STUB1: variants seen among roughly 807,000 people sequenced by gnomAD.
STUB1 encodes STIP1 homology and U-box containing protein 1.
A neutral mutation model predicts 40.3 loss-of-function variants in STUB1; 37 were observed. That is an observed-to-expected ratio of 0.92 (90% CI 0.71 to 1.21). The LOEUF is 1.21. STUB1 is among the 50% of genes most tolerant of loss of function. The pLI, the probability that STUB1 is intolerant of heterozygous loss-of-function variation, is 0.00. For synonymous variants in STUB1, 246 were observed against 171.9 expected (o/e 1.43, Z -3.37); for missense variants, 460 against 421.9 (o/e 1.09, Z -0.79).
Position 681,283 on chromosome 16 carries a change from C to T in STUB1, c.291C>T (p.His97=), listed in dbSNP as rs775162360. The T allele has an allele frequency of 6.2e-7, 1 of 1,612,898 alleles. No individual in the cohort carries two copies. The highest frequency in any genetic ancestry group is 8.5e-7 in the Non-Finnish European group (1 of 1,179,998). ...TGGACGGGCAGTCTGTGAAGGCGCACTTCTTCCTGGGGCAGTGCCAGCTGG... is the reference window on the plus strand; with the variant it reads ...TGGACGGGCAGTCTGTGAAGGCGCATTTCTTCCTGGGGCAGTGCCAGCTGG... The part of the protein sequence containing the change: ...LELDGQSVKA[H]FFLGQCQLEM... Residue 97 remains histidine (H), a synonymous_variant, in exon 2 of 7, where the codon CAC becomes CAT. Transcript: ENST00000219548.
Position 682,616 on chromosome 16 carries a change from C to G in STUB1, c.*127C>G. On this transcript the variant is annotated 3_prime_UTR_variant, in exon 7 of 7. Transcript: ENST00000219548. ...CCAAGTTCTGCTGTTGGACTCTGGA[C>G]TGTTTCCCCTCTCAGCATCGCTTTT... 1.4e-6 allele frequency: 2 copies of G among 1,458,474 alleles called. No homozygotes were observed. Among genetic ancestry groups the G allele is most frequent in the Non-Finnish European group, 1.9e-6 (2 of 1,067,572 alleles). 90.3% of individuals were successfully genotyped at this position (1,458,474 alleles called of 1,614,324 possible). A position where few individuals can be genotyped will look rare whatever the true frequency, so the allele number is the denominator to read the frequency against.
Position 681,590 on chromosome 16 carries a change from G to T in STUB1, c.511G>T (p.Ala171Ser). 6.2e-7 allele frequency: 1 copy of T among 1,608,708 alleles called. No individual in the cohort carries two copies. Among genetic ancestry groups the T allele is most frequent in the Non-Finnish European group, 8.5e-7 (1 of 1,178,124 alleles). ...LHSYLSRLIA[A>S]ERERELEECQ... is the part of the protein sequence containing the mutation. ...CTCCTACCTCTCCAGGCTCATTGCC[G>T]CGGAGCGTGAGAGGTGGGACCCTCA... Residue 171 changes from alanine (A) to serine (S), a missense_variant, in exon 3 of 7, where the codon GCG becomes TCG. By Grantham distance (99) the Ala-to-Ser change is moderately conservative. Transcript: ENST00000219548.
chr16:680,565 G>A lies in STUB1; in HGVS notation c.40G>A (p.Gly14Ser). 7.3e-7 allele frequency: 1 copy of A among 1,375,038 alleles called. No homozygotes were observed. Among genetic ancestry groups the A allele is most frequent in the Non-Finnish European group, 9.5e-7 (1 of 1,054,434 alleles). 85.2% of individuals were successfully genotyped at this position (1,375,038 alleles called of 1,614,324 possible). ...GGAGAAGGAGGGCGGCGCACGGCTG[G>A]GCGCTGGCGGCGGAAGCCCCGAGAA... ...KEEKEGGARL[G>S]AGGGSPEKSP... Residue 14 changes from glycine to serine, a missense_variant, in exon 1 of 7, where the codon GGC becomes AGC. Coordinates refer to ENST00000219548, the MANE Select transcript of STUB1 (RefSeq NM_005861.4). This position sits in a 1 kb window ranked among gnomAD's most constrained non-coding sequence, Gnocchi z 4.9.
Position 682,005 on chromosome 16 carries a change from C to T in STUB1, c.613-15C>T. On this transcript the variant is annotated splice_polypyrimidine_tract_variant and intron_variant, in intron 4 of 6. Transcript: ENST00000219548. ...TGGGGTGTCTCCCCCAAGCACAGCA[C>T]TCAACTCTTCACAGGACAAGTACAT... 6 of 1,609,502 alleles carry T rather than the reference C, an allele frequency of 3.7e-6. No individual in the cohort carries two copies. In the South Asian group the frequency reaches 4.4e-5, roughly 12 times the overall value.
In STUB1 at chr16:681,479, G is replaced by A; in HGVS notation, c.400G>A (p.Asp134Asn). Residue 134 changes from aspartate to asparagine, a missense_variant, in exon 3 of 7, where the codon GAC becomes AAC. By Grantham distance (23) the Asp-to-Asn change is conservative. Transcript: ENST00000219548. ...AKEQRLNFGD[D>N]IPSALRIAKK... Reference sequence around the variant, plus strand: ...GGAGCAGCGGCTGAACTTCGGGGACGACATCCCCAGCGCTCTTCGAATCGC... The same window carrying A: ...GGAGCAGCGGCTGAACTTCGGGGACAACATCCCCAGCGCTCTTCGAATCGC... 1 of 1,612,648 alleles carries A rather than the reference G, an allele frequency of 6.2e-7. No homozygotes were observed. The highest frequency in any genetic ancestry group is 8.5e-7 in the Non-Finnish European group (1 of 1,179,884).
chr16:682,234 C>G lies in STUB1; in HGVS notation c.739C>G (p.Pro247Ala). The G allele has an allele frequency of 1.2e-6, 2 of 1,613,098 alleles. No homozygotes were observed. The highest frequency in any genetic ancestry group is 1.7e-6 in the Non-Finnish European group (2 of 1,179,998). Residue 247 changes from proline to alanine, a missense_variant, in exon 6 of 7, where the codon CCC becomes GCC. By Grantham distance (27) the Pro-to-Ala change is conservative (BLOSUM62 -1). Transcript: ENST00000219548. Reference sequence around the variant, plus strand: ...GCTGATGCGGGAGCCGTGCATCACGCCCAGTGGCATCACCTACGACCGCAA... The same window carrying G: ...GCTGATGCGGGAGCCGTGCATCACGGCCAGTGGCATCACCTACGACCGCAA... ...FELMREPCIT[P>A]SGITYDRKDI...
In STUB1 at chr16:681,601, G is replaced by T; in HGVS notation, c.522G>T (p.Glu174Asp). 1 of 1,606,814 alleles carries T rather than the reference G, an allele frequency of 6.2e-7. No individual in the cohort carries two copies. Among genetic ancestry groups the T allele is most frequent in the Non-Finnish European group, 8.5e-7 (1 of 1,176,746 alleles). The change falls in exon 3 of 7, where the codon GAG becomes GAT. Residue 174 changes from glutamate (E) to aspartate (D), a missense_variant and splice_region_variant. Glu to Asp is a conservative substitution (Grantham distance 45). Transcript: ENST00000219548. ...YLSRLIAAERERELEECQRNH... is the reference protein window; with the variant it reads ...YLSRLIAAERDRELEECQRNH... The stretch of plus-strand genomic sequence containing the variant: ...CCAGGCTCATTGCCGCGGAGCGTGA[G>T]AGGTGGGACCCTCACCCCAGGCCGC...
chr16:682,727 A>G lies in STUB1; in HGVS notation c.*238A>G. On this transcript the variant is annotated 3_prime_UTR_variant, in exon 7 of 7. Coordinates refer to ENST00000219548, the MANE Select transcript of STUB1 (RefSeq NM_005861.4). Reference sequence around the variant, plus strand: ...AGGCCATTGCCGCCACTATCTGTGTAATAAAATCCGTGAGCACGAGGTGGG... The same window carrying G: ...AGGCCATTGCCGCCACTATCTGTGTGATAAAATCCGTGAGCACGAGGTGGG... 6.4e-7 allele frequency: 1 copy of G among 1,561,106 alleles called. No homozygotes were observed. The highest frequency in any genetic ancestry group is 8.8e-7 in the Non-Finnish European group (1 of 1,141,194).
Position 682,641 on chromosome 16 carries a change from T to G in STUB1, c.*152T>G, listed in dbSNP as rs1596554084. 7.0e-7 allele frequency: 1 copy of G among 1,423,686 alleles called. No individual in the cohort carries two copies. Among genetic ancestry groups the G allele is most frequent in the South Asian group, 1.3e-5 (1 of 75,886 alleles). 88.2% of individuals were successfully genotyped at this position (1,423,686 alleles called of 1,614,324 possible). A position where few individuals can be genotyped will look rare whatever the true frequency, so the allele number is the denominator to read the frequency against. ...CTGTTTCCCCTCTCAGCATCGCTTT[T>G]GCTGGGCCGTGATCGTCCCCCTTTG... On this transcript the variant is annotated 3_prime_UTR_variant, in exon 7 of 7. Transcript: ENST00000219548.
In STUB1 at chr16:682,262, A is replaced by G; in HGVS notation, c.767A>G (p.Asp256Gly). 4 of 1,608,378 alleles carry G rather than the reference A, an allele frequency of 2.5e-6. No individual in the cohort carries two copies. Among genetic ancestry groups the G allele is most frequent in the African/African-American group, 1.4e-5 (1 of 72,708 alleles). Residue 256 changes from aspartate (D) to glycine (G), a missense_variant, in exon 6 of 7, where the codon GAC (aspartate) becomes GGC (glycine). Transcript: ENST00000219548. ...AGTGGCATCACCTACGACCGCAAGG[A>G]CATCGAGGAGCACCTGCAGGTGAGG... ...TPSGITYDRK[D>G]IEEHLQRVGH...
In STUB1 at chr16:682,483, C is replaced by T; in HGVS notation, c.906C>T (p.Asp302=). 6.2e-7 allele frequency: 1 copy of T among 1,613,296 alleles called. No individual in the cohort carries two copies. Among genetic ancestry groups the T allele is most frequent in the Non-Finnish European group, 8.5e-7 (1 of 1,180,004 alleles). Residue 302 remains aspartate, a synonymous_variant, in exon 7 of 7, where the codon GAC becomes GAT. Coordinates refer to ENST00000219548, the MANE Select transcript of STUB1 (RefSeq NM_005861.4). ...AFISENGWVE[D]Y is the part of the protein sequence containing the mutation. ...TCTCTGAGAATGGCTGGGTGGAGGA[C>T]TACTGAGGTTCCCTGCCCTACCTGG...
At position 682,272 on chromosome 16, in the gene STUB1, G is replaced by A. The variant is rs948900297; in HGVS notation, c.777G>A (p.Glu259=). ...GITYDRKDIE[E]HLQRVGHFDP... The stretch of plus-strand genomic sequence containing the variant: ...CCTACGACCGCAAGGACATCGAGGA[G>A]CACCTGCAGGTGAGGCCTGCGGCTG... The change falls in exon 6 of 7, where the codon GAG becomes GAA. Residue 259 remains glutamate, a synonymous_variant. Coordinates refer to ENST00000219548, the MANE Select transcript of STUB1 (RefSeq NM_005861.4). 2 of 1,589,122 alleles carry A rather than the reference G, an allele frequency of 1.3e-6. No homozygotes were observed. Among genetic ancestry groups the A allele is most frequent in the Admixed American group, 1.7e-5 (1 of 57,576 alleles).
intron 5 of STUB1, 38 bp from the exon 6 acceptor site, chr16:682,127 C>T (rs1341831369): frequency 5.7e-6 from 9 of 1,588,968 alleles, no homozygotes; most frequent in African/African-American, 1.3e-5. Flanking sequence ...CGTGCAGTGC[C>T]CCTTTTCAGC....
At position 682,348 on chromosome 16, in the gene STUB1, C is replaced by T. The variant is rs758126147; in HGVS notation, c.787-16C>T. ...CTGGGCCCCATGACTGCCCTCTGCCCTTCTTGTCACTGCAGCGTGTGGGTC... is the reference window on the plus strand; with the variant it reads ...CTGGGCCCCATGACTGCCCTCTGCCTTTCTTGTCACTGCAGCGTGTGGGTC... On this transcript the variant is annotated splice_polypyrimidine_tract_variant and intron_variant, in intron 6 of 6. Transcript: ENST00000219548. 12 of 1,612,948 alleles carry T rather than the reference C, an allele frequency of 7.4e-6. No homozygotes were observed. The highest frequency in any genetic ancestry group is 3.3e-5 in the Admixed American group (2 of 60,012).
Position 682,251 on chromosome 16 carries a change from CGA to C in STUB1, c.757_758del (p.Asp253ProfsTer15). ...GCATCACGCCCAGTGGCATCACCTA[CGA>C]CCGCAAGGACATCGAGGAGCACCTG... ...PCITPSGITY[D>X]RKDIEEHLQR... On this transcript the variant is annotated frameshift_variant, in exon 6 of 7. Transcript: ENST00000219548. LOFTEE classifies it high-confidence loss of function. 1 of 1,612,330 alleles carries C rather than the reference CGA, an allele frequency of 6.2e-7. No homozygotes were observed. The highest frequency in any genetic ancestry group is 8.5e-7 in the Non-Finnish European group (1 of 1,179,832).
Position 681,160 on chromosome 16 carries a change from C to T in STUB1, c.168C>T (p.Asn56=). ...AACYGRAITR[N]PLVAVYYTNR... ...CCGGCCTTGGTCCCTAGACCCGGAA[C>T]CCGCTGGTGGCCGTGTATTACACCA... Residue 56 remains asparagine, a synonymous_variant, in exon 2 of 7, where the codon AAC becomes AAT. Transcript: ENST00000219548. 6.4e-7 allele frequency: 1 copy of T among 1,560,790 alleles called. No individual in the cohort carries two copies. Among genetic ancestry groups the T allele is most frequent in the Non-Finnish European group, 8.7e-7 (1 of 1,153,012 alleles).
In STUB1 at chr16:680,837, C is replaced by G. The variant is rs144505681; in HGVS notation, c.159+153C>G. On this transcript the variant is annotated intron_variant, in intron 1 of 6. Transcript: ENST00000219548. This position sits in a 1 kb window ranked among gnomAD's most constrained non-coding sequence, Gnocchi z 4.9. ...GGTTCTCGAGCCCAGCGCCGGGTGCCGGAGAACGAGGGTGCGATGCTGGAT... is the reference window on the plus strand; with the variant it reads ...GGTTCTCGAGCCCAGCGCCGGGTGCGGGAGAACGAGGGTGCGATGCTGGAT... The G allele has an allele frequency of 1.4e-6, 1 of 715,070 alleles. No individual in the cohort carries two copies. Among genetic ancestry groups the G allele is most frequent in the Non-Finnish European group, 1.9e-6 (1 of 534,332 alleles). 44.3% of individuals were successfully genotyped at this position (715,070 alleles called of 1,614,324 possible).
chr16:682,637 C>T lies in STUB1; in HGVS notation c.*148C>T, dbSNP rs1415453593. The T allele has an allele frequency of 2.8e-6, 4 of 1,432,896 alleles. No homozygotes were observed. Among genetic ancestry groups the T allele is most frequent in the Non-Finnish European group, 3.8e-6 (4 of 1,049,412 alleles). The allele number at this position is 1,432,896 out of a possible 1,614,324, so 88.8% of individuals were successfully genotyped here. On this transcript the variant is annotated 3_prime_UTR_variant, in exon 7 of 7. Coordinates refer to ENST00000219548, the MANE Select transcript of STUB1 (RefSeq NM_005861.4). ...TGGACTGTTTCCCCTCTCAGCATCGCTTTTGCTGGGCCGTGATCGTCCCCC... is the reference window on the plus strand; with the variant it reads ...TGGACTGTTTCCCCTCTCAGCATCGTTTTTGCTGGGCCGTGATCGTCCCCC...
rs769348495 is a variant in STUB1 at position 682,092 on chromosome 16, T to C, written c.669+16T>C. On this transcript the variant is annotated intron_variant, in intron 5 of 6. Transcript: ENST00000219548. ...GAAGAGGAAGGTGAGTGTGTGTCGC[T>C]TGCTGCCGATGGCTGGCAGGTGCTC... 6.3e-7 allele frequency: 1 copy of C among 1,581,600 alleles called. No individual in the cohort carries two copies. Among genetic ancestry groups the C allele is most frequent in the African/African-American group, 1.3e-5 (1 of 74,598 alleles).
Sources: allele counts gnomAD v4.1 joint callset, GRCh38; gene constraint gnomAD v4.1.1; non-coding constraint Gnocchi (gnomAD v3.1); transcripts MANE v1.5; gene names NCBI Gene and HGNC (gene_info 2026-07-23, HGNC 2026-07-21).